Variants in PCBP3 observed in about 807,000 individuals in gnomAD.
PCBP3 encodes the protein poly(rC)-binding protein 3.
PCBP3 carries 25 observed loss-of-function variants against 52.7 expected under a neutral mutation model. That is an observed-to-expected ratio of 0.47 (90% CI 0.35 to 0.66). The LOEUF (loss-of-function observed/expected upper bound fraction) is 0.66, where lower values mean the gene tolerates loss of function less well. Among genes scored for constraint, PCBP3 ranks in the 30% least tolerant of loss-of-function variants. The pLI is 0.01. For synonymous variants in PCBP3, 162 were observed against 183.0 expected, an observed-to-expected ratio of 0.89 and a Z score of 0.93; for missense variants, 391 against 490.3, an observed-to-expected ratio of 0.80 and a Z score of 1.91.
At chr21:45,764,360 A>G (rs1156229464) in intron 4 of PCBP3, among the ~76,000 whole-genome samples, 1 of 152,244 alleles carries the variant, frequency 6.6e-6, no homozygotes, top group East Asian at 1.9e-4. Flanking sequence ...GACCTCAGGC[A>G]GTCTACCCGC....
At position 45,923,962 on chromosome 21, in the gene PCBP3, C is replaced by T. The variant is rs76651897; in HGVS notation, c.718-5955C>T. On this transcript the variant is annotated intron_variant, in intron 13 of 17. Coordinates refer to ENST00000681687, the MANE Select transcript of PCBP3 (RefSeq NM_001384156.1). ...AAGATCAGGTGTGCACGAGGAGATGCGAACACCGGGAACAGTCGAGTGGAT... is the reference window on the plus strand; with the variant it reads ...AAGATCAGGTGTGCACGAGGAGATGTGAACACCGGGAACAGTCGAGTGGAT... 1.5e-3 allele frequency among the ~76,000 whole-genome samples: 42 copies of T among 28,720 alleles called. 11 individuals are homozygous for T. Among genetic ancestry groups the T allele is most frequent in the African/African-American group, 0.011 (30 of 2,668 alleles). The allele number at this position is 28,720 out of a possible 152,430, so 18.8% of individuals were successfully genotyped here. A position where few individuals can be genotyped will look rare whatever the true frequency, so the allele number is the denominator to read the frequency against.
In PCBP3 at chr21:45,725,773, C is replaced by T. The variant is rs568043592; in HGVS notation, c.-199-9619C>T. Among the ~76,000 whole-genome samples the T allele has an allele frequency of 4.0e-5, 6 of 148,654 alleles. No homozygotes were observed. The East Asian group carries it at 6.0e-4, about 15-fold the overall frequency. ...TGGAGGGTGGGCAAGGGAGGACTTT[C>T]GGAGGAGGAGGTGTTGGAACTGGGT... is the stretch of plus-strand genomic sequence containing the variant. On this transcript the variant is annotated intron_variant, in intron 2 of 17. Coordinates refer to ENST00000681687, the MANE Select transcript of PCBP3 (RefSeq NM_001384156.1).
At chr21:45,797,708 A>AAG (rs2092025441) in intron 4 of PCBP3, among the ~76,000 whole-genome samples, 2 of 127,046 alleles carry the variant, frequency 1.6e-5, no homozygotes, top group Admixed American at 8.3e-5. Flanking sequence ...ATGGATCCAC[A>AAG]GAGAGTGAAT....
intron 2 of PCBP3, chr21:45,673,827 T>C (rs1182658798): frequency 6.6e-6 from 1 of 152,194 alleles, no homozygotes. Flanking sequence ...ACTTACAGCA[T>C]TGAGAGAGGA....
At chr21:45,854,899 G>A (rs1438888958) in intron 5 of PCBP3, among the ~76,000 whole-genome samples, 1 of 152,210 alleles carries the variant, frequency 6.6e-6, no homozygotes, top group Non-Finnish European at 1.5e-5. Context: ...GTAAGTAGCA[G>A]GAGTGCTGGA....
chr21:45,808,771 A>T (rs2092591395), intron 4 of PCBP3, among the ~76,000 whole-genome samples: 1 of 152,220 alleles, frequency 6.6e-6, no homozygotes. Context: ...TCACAATAGC[A>T]AAGACTTGGA....
In PCBP3 at chr21:45,893,752, C is replaced by G. The variant is rs1020130064; in HGVS notation, c.11-2456C>G. Reference sequence around the variant, plus strand: ...AGGGAGGGACCTGGATGGACCAGAGCTCTGCCTGTTTCTGGAACACAGTGT... The same window carrying G: ...AGGGAGGGACCTGGATGGACCAGAGGTCTGCCTGTTTCTGGAACACAGTGT... On this transcript the variant is annotated intron_variant, in intron 5 of 17. Coordinates refer to ENST00000681687, the MANE Select transcript of PCBP3 (RefSeq NM_001384156.1). The G allele has an allele frequency of 4.1e-6, 4 of 985,310 alleles. No individual in the cohort carries two copies. In the African/African-American group the frequency reaches 5.2e-5, roughly 13 times the overall value. 61.0% of individuals were successfully genotyped at this position (985,310 alleles called of 1,614,324 possible).
chr21:45,926,166 G>C (rs2075377438), intron 13 of PCBP3, among the ~76,000 whole-genome samples: 1 of 152,232 alleles, frequency 6.6e-6, no homozygotes. Flanking sequence ...GTGATGCCAT[G>C]AGAGTATAGT....
Position 45,669,901 on chromosome 21 carries a change from C to T in PCBP3, c.-200+949C>T, listed in dbSNP as rs536597115. On this transcript the variant is annotated intron_variant, in intron 2 of 17. Transcript: ENST00000681687. ...CACTTGGGTTGCATCTACCTTTTGG[C>T]TATAGTGAATAATGCTGCCATGAAC... is the stretch of plus-strand genomic sequence containing the variant. Among the ~76,000 whole-genome samples the T allele has an allele frequency of 1.0e-3, 149 of 144,662 alleles. 1 individual carries two copies. The highest frequency in any genetic ancestry group is 3.6e-3 in the Middle Eastern group (1 of 276). The allele number at this position is 144,662 out of a possible 152,430, so 94.9% of individuals were successfully genotyped here. A position where few individuals can be genotyped will look rare whatever the true frequency, so the allele number is the denominator to read the frequency against.
chr21:45,923,441 G>C (rs1293640145), intron 13 of PCBP3, among the ~76,000 whole-genome samples: 1 of 152,214 alleles, frequency 6.6e-6, no homozygotes, highest in Non-Finnish European at 1.5e-5. Context: ...CTCACTGCTG[G>C]CTGGAGTTCC....
chr21:45,898,573 C>G (rs1456607582), intron 6 of PCBP3, among the ~76,000 whole-genome samples: 1 of 74,412 alleles, frequency 1.3e-5, no homozygotes, highest in African/African-American at 3.5e-5. Context: ...ACACGCCATC[C>G]TCACAGCCTC....
intron 5 of PCBP3, among the ~76,000 whole-genome samples, chr21:45,854,476 G>C (rs2094189100): frequency 6.6e-6 from 1 of 152,116 alleles, no homozygotes; most frequent in South Asian, 2.1e-4. Context: ...GAATCTGACT[G>C]CTCTAGGGAC....
intron 5 of PCBP3, among the ~76,000 whole-genome samples, chr21:45,868,828 T>G (rs571811459): frequency 6.6e-6 from 1 of 152,350 alleles, no homozygotes; most frequent in East Asian, 1.9e-4. Flanking sequence ...AAGCCAGGGC[T>G]TCCTGCCCCT....
At chr21:45,772,742 T>C (rs1241910760) in intron 4 of PCBP3, among the ~76,000 whole-genome samples, 1 of 152,222 alleles carries the variant, frequency 6.6e-6, no homozygotes, top group Non-Finnish European at 1.5e-5. Context: ...TTTTTTATTA[T>C]GGCCATTCTA....
rs2092366658 is a variant in PCBP3, at chr21:45,803,065, C to G, written c.-125-46896C>G. 2.6e-5 allele frequency among the ~76,000 whole-genome samples: 4 copies of G among 152,320 alleles called. No individual in the cohort carries two copies. The South Asian group carries it at 8.3e-4, about 32-fold the overall frequency. On this transcript the variant is annotated intron_variant, in intron 4 of 17. Coordinates refer to ENST00000681687, the MANE Select transcript of PCBP3 (RefSeq NM_001384156.1). ...GCAAACACTTGTTCTGATTCTTTAT[C>G]TATTCGTTGGAAGTCAGTCACAAAG...
At chr21:45,932,114 A>G (rs1208338977) in intron 15 of PCBP3, among the ~76,000 whole-genome samples, 3 of 151,870 alleles carry the variant, frequency 2.0e-5, no homozygotes, top group Admixed American at 6.6e-5. Context: ...CACATTGGCC[A>G]TGCTGTCCTG....
At position 45,678,735 on chromosome 21, in the gene PCBP3, G is replaced by C. The variant is rs369291505; in HGVS notation, c.-200+9783G>C. 3.2e-4 allele frequency among the ~76,000 whole-genome samples: 48 copies of C among 151,906 alleles called. 1 individual carries two copies. The highest frequency in any genetic ancestry group is 1.2e-3 in the African/African-American group (48 of 41,420). ...GCAGTCTACTAGTAGTGAAGATGCT[G>C]TGAACATTGTTGAGATGACAACAAA... On this transcript the variant is annotated intron_variant, in intron 2 of 17. Transcript: ENST00000681687.
intron 4 of PCBP3, among the ~76,000 whole-genome samples, chr21:45,780,952 T>C (rs574506742): frequency 2.6e-5 from 4 of 152,066 alleles, no homozygotes; most frequent in African/African-American, 9.6e-5. Flanking sequence ...GTCAGTGGGG[T>C]ACATCTGGGC....
chr21:45,899,315 C>T (rs992168007), intron 6 of PCBP3, among the ~76,000 whole-genome samples: 67 of 152,192 alleles, frequency 4.4e-4, no homozygotes, highest in African/African-American at 1.6e-3. Flanking sequence ...TTATCAGGGG[C>T]AGCCAGCTGC....
Sources: allele counts gnomAD v4.1 joint callset (sites outside exome capture counted in the v4.1 genomes callset), GRCh38; gene constraint gnomAD v4.1.1; transcripts MANE v1.5; gene names NCBI Gene and HGNC (gene_info 2026-07-23, HGNC 2026-07-21).